Variants in FNDC1 observed in about 807,000 individuals in gnomAD.
FNDC1 encodes the protein fibronectin type III domain containing 1, also known as fibronectin type III domain-containing protein 1.
In FNDC1, 96 loss-of-function variants were observed where a neutral mutation model predicts 168.0. That is an observed-to-expected ratio of 0.57 (90% CI 0.48 to 0.68). The LOEUF (loss-of-function observed/expected upper bound fraction) is 0.68, where lower values mean the gene tolerates loss of function less well. Ranked by LOEUF, FNDC1 falls within the 30% of genes least tolerant of loss-of-function variation. The pLI is 0.00. For missense variants in FNDC1, 2,587 were observed against 2,482.1 expected (o/e 1.04, Z -0.90); for synonymous variants, 1,099 against 1,025.9 (o/e 1.07, Z -1.36).
chr6:159,231,381 CAA>C (rs1185205858), intron 10 of FNDC1, among the ~76,000 whole-genome samples: 2 of 28,206 alleles, frequency 7.1e-5, no homozygotes, highest in East Asian at 3.9e-4. Context: ...GACTCCGTCT[CAA>C]AAAAAAAAAA....
At chr6:159,205,175 A>G (rs1485497109) in intron 4 of FNDC1, among the ~76,000 whole-genome samples, 2 of 152,218 alleles carry the variant, frequency 1.3e-5, no homozygotes, top group African/African-American at 4.8e-5. Flanking sequence ...CTACTGTTGA[A>G]CTAATTATTT....
intron 11 of FNDC1, among the ~76,000 whole-genome samples, chr6:159,235,108 G>A (rs1783218266): frequency 1.3e-5 from 2 of 152,196 alleles, no homozygotes; most frequent in Admixed American, 6.5e-5. Flanking sequence ...GAAAATGTAT[G>A]TTAAAGATCA....
chr6:159,265,151 C>T, intron 20 of FNDC1, 147 bp downstream of exon 20: 3 of 652,896 alleles, frequency 4.6e-6, no homozygotes, highest in South Asian at 4.3e-5. Context: ...ACTCGTCATC[C>T]TGATCTTCTT....
At chr6:159,211,922 T>C (rs918882329) in intron 4 of FNDC1, among the ~76,000 whole-genome samples, 6 of 152,216 alleles carry the variant, frequency 3.9e-5, no homozygotes, top group Non-Finnish European at 8.8e-5. Context: ...TTAACTAGCA[T>C]AGAATGGGTA....
chr6:159,227,646 CTTTTTTT>C (rs10537794), intron 9 of FNDC1, among the ~76,000 whole-genome samples: 1 of 135,970 alleles, frequency 7.4e-6, no homozygotes, highest in Non-Finnish European at 1.6e-5. Context: ...TCTTCTTTCT[CTTTTTTT>C]TTTTTTTTGC....
intron 4 of FNDC1, among the ~76,000 whole-genome samples, chr6:159,212,826 T>C (rs573397712): frequency 1.1e-4 from 17 of 152,064 alleles, no homozygotes; most frequent in Non-Finnish European, 1.5e-4. Flanking sequence ...TTAGAAGAGG[T>C]TGGGAGGTTG....
chr6:159,236,419 T>G (rs1328623554), intron 12 of FNDC1, 104 bp downstream of exon 12: 2 of 761,808 alleles, frequency 2.6e-6, no homozygotes, highest in East Asian at 5.4e-5. Context: ...TGTTTGTTCT[T>G]CTTCTCTAGT....
intron 14 of FNDC1, among the ~76,000 whole-genome samples, chr6:159,245,669 C>A (rs1044242136): frequency 6.6e-6 from 1 of 152,126 alleles, no homozygotes; most frequent in African/African-American, 2.4e-5. Context: ...GCCTTTTATG[C>A]TTAAATCACT....
At chr6:159,252,019 T>G (rs943988074) in intron 17 of FNDC1, among the ~76,000 whole-genome samples, 12 of 152,172 alleles carry the variant, frequency 7.9e-5, no homozygotes, top group Non-Finnish European at 1.3e-4. Flanking sequence ...CTTTCACGTC[T>G]GTTGGGTGCT....
intron 22 of FNDC1, among the ~76,000 whole-genome samples, chr6:159,268,809 CATCTATCTATTCATCT>C (rs1562315328): frequency 1.3e-5 from 2 of 148,296 alleles, no homozygotes; most frequent in South Asian, 2.1e-4. Context: ...TCTATCTATT[CATCTATCTATTCATCT>C]ATCTATCTAT....
At chr6:159,256,753 T>C (rs1777382251) in intron 18 of FNDC1, 122 bp downstream of exon 18, 7 of 735,208 alleles carry the variant, frequency 9.5e-6, no homozygotes, top group Non-Finnish European at 1.7e-5. Context: ...CCCTGTTTGG[T>C]TCTAATAGAA....
intron 5 of FNDC1, among the ~76,000 whole-genome samples, 166 bp downstream of exon 5, chr6:159,215,317 G>C (rs1399379660): frequency 6.6e-6 from 1 of 152,184 alleles, no homozygotes; most frequent in Non-Finnish European, 1.5e-5. Flanking sequence ...CATCCTGGAC[G>C]CCATCATTTT....
intron 11 of FNDC1, among the ~76,000 whole-genome samples, chr6:159,235,445 A>G (rs2114995924): frequency 6.6e-6 from 1 of 152,326 alleles, no homozygotes; most frequent in African/African-American, 2.4e-5. Flanking sequence ...TAGCACCCTG[A>G]GAGTAGATGT....
At chr6:159,269,498 CT>C (rs1562316087) in intron 22 of FNDC1, among the ~76,000 whole-genome samples, 109 of 117,386 alleles carry the variant, frequency 9.3e-4, no homozygotes, top group African/African-American at 2.1e-3. Flanking sequence ...ATCTATCTAT[CT>C]ATCCATCCAT....
In FNDC1 at chr6:159,247,440, G is replaced by A. The variant is rs116188091; in HGVS notation, c.4690+471G>A. 7.5e-3 allele frequency among the ~76,000 whole-genome samples: 1,143 copies of A among 152,230 alleles called. 15 individuals are homozygous for A. The highest frequency in any genetic ancestry group is 0.026 in the African/African-American group (1,087 of 41,512). On this transcript the variant is annotated intron_variant, in intron 15 of 22. Coordinates refer to ENST00000297267, the MANE Select transcript of FNDC1 (RefSeq NM_032532.3). ...ATTTCTTATCATAGAATCTTTTCAA[G>A]GGTAGGTTTGTAAGATTAGGATCAG...
At chr6:159,188,696 G>T (rs1431846844) in intron 1 of FNDC1, among the ~76,000 whole-genome samples, 1 of 151,536 alleles carries the variant, frequency 6.6e-6, no homozygotes, top group Non-Finnish European at 1.5e-5. Flanking sequence ...TTCTTTGAGT[G>T]CGTCCAAATA....
chr6:159,249,420 C>G (rs937187195), intron 16 of FNDC1, among the ~76,000 whole-genome samples: 3 of 152,212 alleles, frequency 2.0e-5, no homozygotes. Flanking sequence ...CTGAGAGAGA[C>G]TGCCTTGCAT....
intron 1 of FNDC1, among the ~76,000 whole-genome samples, chr6:159,177,305 T>C (rs1280738910): frequency 4.6e-5 from 7 of 152,152 alleles, no homozygotes; most frequent in Non-Finnish European, 1.0e-4. Context: ...AGCGGGTACC[T>C]TAAGCCCTAG....
intron 22 of FNDC1, among the ~76,000 whole-genome samples, chr6:159,269,289 T>C (rs946862695): frequency 0.11 from 4,894 of 44,604 alleles, 1,025 homozygotes; most frequent in Middle Eastern, 0.25. Context: ...TCTATCTATC[T>C]ATCCATCCAT....
Sources: allele counts gnomAD v4.1 joint callset (sites outside exome capture counted in the v4.1 genomes callset), GRCh38; gene constraint gnomAD v4.1.1; transcripts MANE v1.5; gene names NCBI Gene and HGNC (gene_info 2026-07-23, HGNC 2026-07-21).